The following IL1RAPL2 variants were observed in gnomAD, a reference collection of about 807,000 sequenced individuals.
IL1RAPL2 encodes X-linked interleukin-1 receptor accessory protein-like 2.
In IL1RAPL2, 3 loss-of-function variants were observed where a neutral mutation model predicts 44.1. The ratio of observed to expected loss-of-function variants is 0.07; its 90% CI spans 0.03 to 0.18. The LOEUF is 0.18. IL1RAPL2 is among the 10% of genes least tolerant of loss of function. The pLI, the probability that IL1RAPL2 is intolerant of heterozygous loss-of-function variation, is 1.00. For synonymous variants in IL1RAPL2, 181 were observed against 178.8 expected, an observed-to-expected ratio of 1.01 and a Z score of -0.10; for missense variants, 391 against 496.4, an observed-to-expected ratio of 0.79 and a Z score of 2.02.
rs750927659 is a variant in IL1RAPL2 at position 105,499,583 on chromosome X, A to T, written c.772+15196A>T. On this transcript the variant is annotated intron_variant, in intron 6 of 10. Coordinates refer to ENST00000372582, the MANE Select transcript of IL1RAPL2 (RefSeq NM_017416.2). ...AATAAACTGATTGACTACAGATAAA[A>T]ACTTTGCATAGACATTTCTCAAAGA... Among the ~76,000 whole-genome samples the T allele has an allele frequency of 2.1e-4, 24 of 112,297 alleles. No individual in the cohort carries two copies. The South Asian group carries it at 8.8e-3, about 41-fold the overall frequency.
chrX:104,947,243 G>A (rs866539585), intron 2 of IL1RAPL2, among the ~76,000 whole-genome samples: 41 of 109,526 alleles, frequency 3.7e-4, no homozygotes, highest in Middle Eastern at 9.2e-3. Flanking sequence ...CCTGTCCTTC[G>A]CCCACTTTTT....
At chrX:105,358,185 C>A (rs1042797300) in intron 5 of IL1RAPL2, among the ~76,000 whole-genome samples, 5 of 110,147 alleles carry the variant, frequency 4.5e-5, no homozygotes, top group Non-Finnish European at 9.5e-5. Flanking sequence ...TGAGCCAATG[C>A]AAATTTGCAG....
intron 2 of IL1RAPL2, among the ~76,000 whole-genome samples, chrX:105,003,240 C>A (rs2030884151): frequency 9.0e-6 from 1 of 110,885 alleles, no homozygotes; most frequent in African/African-American, 3.3e-5. Context: ...TTATAAGTAT[C>A]CAGTAAAAAT....
At chrX:105,593,467 G>T (rs1210426856) in intron 6 of IL1RAPL2, among the ~76,000 whole-genome samples, 1 of 111,865 alleles carries the variant, frequency 8.9e-6, no homozygotes, top group Admixed American at 9.5e-5. Context: ...AAGCATTGCT[G>T]AGGAAGTTGG....
intron 1 of IL1RAPL2, among the ~76,000 whole-genome samples, chrX:104,621,619 C>T (rs180894856): frequency 9.0e-6 from 1 of 111,023 alleles, no homozygotes; most frequent in Non-Finnish European, 1.9e-5. Context: ...CAACAGGGCC[C>T]TCTCCACTCC....
intron 2 of IL1RAPL2, among the ~76,000 whole-genome samples, chrX:104,717,996 G>T (rs2147561836): frequency 9.0e-6 from 1 of 111,166 alleles, no homozygotes; most frequent in Admixed American, 9.6e-5. Context: ...TCTTAATCCA[G>T]TCTATCATTG....
chrX:105,673,228 G>A (rs377211922), intron 6 of IL1RAPL2, among the ~76,000 whole-genome samples: 6 of 111,003 alleles, frequency 5.4e-5, no homozygotes, highest in African/African-American at 2.0e-4. Flanking sequence ...ATAGGTAAAC[G>A]TGTGCCATGA....
chrX:105,708,353 G>T (rs1435718078), intron 6 of IL1RAPL2, among the ~76,000 whole-genome samples: 2 of 111,552 alleles, frequency 1.8e-5, no homozygotes, highest in Non-Finnish European at 3.8e-5. Flanking sequence ...ATAATGTCCA[G>T]AAAACACATC....
chrX:104,879,382 AAAG>A (rs1160668579), intron 2 of IL1RAPL2, among the ~76,000 whole-genome samples: 1 of 106,189 alleles, frequency 9.4e-6, no homozygotes, highest in African/African-American at 3.5e-5. Flanking sequence ...AAAAAAAAAA[AAAG>A]AGTGCAGAAA....
At chrX:104,968,909 C>T (rs1022479728) in intron 2 of IL1RAPL2, among the ~76,000 whole-genome samples, 15 of 109,802 alleles carry the variant, frequency 1.4e-4, no homozygotes, top group African/African-American at 5.0e-4. Flanking sequence ...TGACAGTTCT[C>T]TCCACTTAAT....
chrX:104,910,376 C>T (rs1021485065), intron 2 of IL1RAPL2, among the ~76,000 whole-genome samples: 6 of 112,255 alleles, frequency 5.3e-5, no homozygotes, highest in African/African-American at 1.6e-4. Flanking sequence ...CTTGGCTCCT[C>T]TCTAAATTAT....
At chrX:105,270,073 C>G (rs1308325687) in intron 5 of IL1RAPL2, among the ~76,000 whole-genome samples, 2 of 111,624 alleles carry the variant, frequency 1.8e-5, no homozygotes, top group Non-Finnish European at 3.8e-5. Flanking sequence ...TAAAGGGACC[C>G]AGATAGGATG....
intron 1 of IL1RAPL2, among the ~76,000 whole-genome samples, chrX:104,573,605 T>G (rs1264140471): frequency 8.9e-6 from 1 of 112,459 alleles, no homozygotes; most frequent in African/African-American, 3.2e-5. Context: ...ATCTTGACTC[T>G]GTTTGGGAGA....
At chrX:105,245,303 A>T (rs1269510475) in intron 4 of IL1RAPL2, among the ~76,000 whole-genome samples, 1 of 111,704 alleles carries the variant, frequency 9.0e-6, no homozygotes, top group Non-Finnish European at 1.9e-5. Flanking sequence ...GGGCTGTTTG[A>T]AATATGCTAT....
At chrX:104,772,611 C>A (rs1248652316) in intron 2 of IL1RAPL2, among the ~76,000 whole-genome samples, 1 of 112,128 alleles carries the variant, frequency 8.9e-6, no homozygotes, top group Non-Finnish European at 1.9e-5. Flanking sequence ...ATCTTTGCTA[C>A]AATTTCCACA....
At chrX:104,821,109 A>G (rs763243752) in intron 2 of IL1RAPL2, among the ~76,000 whole-genome samples, 2 of 112,208 alleles carry the variant, frequency 1.8e-5, no homozygotes, top group East Asian at 5.6e-4. Context: ...CACCAATTGC[A>G]TTATATCTCT....
At chrX:105,449,525 A>G (rs946100717) in intron 5 of IL1RAPL2, among the ~76,000 whole-genome samples, 1 of 109,040 alleles carries the variant, frequency 9.2e-6, no homozygotes, top group Non-Finnish European at 1.9e-5. Context: ...CGGAGCTTGC[A>G]GTGAGCCGAG....
chrX:104,620,969 A>AAT, intron 1 of IL1RAPL2, among the ~76,000 whole-genome samples: 1 of 103,958 alleles, frequency 9.6e-6, no homozygotes, highest in African/African-American at 3.6e-5. Context: ...TAATTTATAT[A>AAT]ATAATATAAT....
intron 5 of IL1RAPL2, among the ~76,000 whole-genome samples, chrX:105,449,747 AAAAAAAC>A (rs1190229811): frequency 9.9e-5 from 11 of 110,680 alleles, no homozygotes; most frequent in Non-Finnish European, 2.1e-4. Context: ...TTCCGTCAAA[AAAAAAAC>A]AAAAAACAAA....
Sources: allele counts gnomAD v4.1 joint callset (sites outside exome capture counted in the v4.1 genomes callset), GRCh38; gene constraint gnomAD v4.1.1; transcripts MANE v1.5; gene names NCBI Gene and HGNC (gene_info 2026-07-23, HGNC 2026-07-21).